SCHIP1: variants seen among roughly 807,000 people sequenced by gnomAD.
SCHIP1 encodes the protein schwannomin interacting protein 1, also known as schwannomin-interacting protein 1.
SCHIP1 carries 8 observed loss-of-function variants against 29.7 expected under a neutral mutation model. That is an observed-to-expected ratio of 0.27 (90% CI 0.16 to 0.49). The LOEUF is 0.49. SCHIP1 is among the 20% of genes least tolerant of loss of function. The probability of loss-of-function intolerance (pLI) is 0.99; values close to 1 mark genes in which losing one functional copy is unlikely to be tolerated. For missense variants in SCHIP1, 193 were observed against 294.6 expected, an observed-to-expected ratio of 0.66 and a Z score of 2.52; for synonymous variants, 76 against 94.9, an observed-to-expected ratio of 0.80 and a Z score of 1.16.
At chr3:159,341,985 G>A in the SCHIP1 span, among the ~76,000 whole-genome samples, 1 of 152,280 alleles carries the variant, frequency 6.6e-6, no homozygotes, top group East Asian at 1.9e-4. Flanking sequence ...TTAAAAATAT[G>A]TAAGGGAATA....
At chr3:159,690,284 G>T in the SCHIP1 span, among the ~76,000 whole-genome samples, 1 of 152,166 alleles carries the variant, frequency 6.6e-6, no homozygotes, top group Non-Finnish European at 1.5e-5. Flanking sequence ...CTTGTTATTG[G>T]TCTATTCATG....
chr3:159,535,080 G>A, the SCHIP1 span, among the ~76,000 whole-genome samples: 9 of 152,210 alleles, frequency 5.9e-5, no homozygotes, highest in East Asian at 1.2e-3. Context: ...AATTTAACAC[G>A]TTGAGCACCC....
At chr3:159,340,813 A>G in the SCHIP1 span, among the ~76,000 whole-genome samples, 5 of 152,108 alleles carry the variant, frequency 3.3e-5, no homozygotes, top group African/African-American at 1.2e-4. Flanking sequence ...GTTTTGTGTA[A>G]GAGATCAGTA....
At chr3:159,427,612 A>G in the SCHIP1 span, among the ~76,000 whole-genome samples, 1 of 151,938 alleles carries the variant, frequency 6.6e-6, no homozygotes, top group Non-Finnish European at 1.5e-5. Flanking sequence ...GAAAATGGCC[A>G]TACTGCCCAA....
the SCHIP1 span, among the ~76,000 whole-genome samples, chr3:159,564,626 G>A: frequency 3.3e-5 from 5 of 152,020 alleles, no homozygotes; most frequent in African/African-American, 7.2e-5. Context: ...TCCACCCGCC[G>A]TGGCCTCCCA....
chr3:159,328,026 ATACT>A, the SCHIP1 span, among the ~76,000 whole-genome samples: 2 of 152,232 alleles, frequency 1.3e-5, no homozygotes, highest in Non-Finnish European at 2.9e-5. Context: ...AATTCAGCAA[ATACT>A]TACTAATACC....
chr3:159,371,556 G>GTTA, the SCHIP1 span, among the ~76,000 whole-genome samples: 1 of 152,258 alleles, frequency 6.6e-6, no homozygotes, highest in Non-Finnish European at 1.5e-5. Flanking sequence ...AAGTTAAAAA[G>GTTA]AAATAGTGTA....
the SCHIP1 span, among the ~76,000 whole-genome samples, chr3:159,579,315 AT>A: frequency 6.6e-6 from 1 of 152,184 alleles, no homozygotes; most frequent in Non-Finnish European, 1.5e-5. Flanking sequence ...GGGGTAATGA[AT>A]TTAAACGATT....
At chr3:159,747,848 A>T in the SCHIP1 span, among the ~76,000 whole-genome samples, 2 of 152,220 alleles carry the variant, frequency 1.3e-5, no homozygotes, top group African/African-American at 4.8e-5. Flanking sequence ...ATATCTTTTG[A>T]GCTTTCCAAC....
chr3:159,404,733 C>T, the SCHIP1 span, among the ~76,000 whole-genome samples: 2 of 152,336 alleles, frequency 1.3e-5, no homozygotes, highest in East Asian at 3.9e-4. Flanking sequence ...GGGAAAGATG[C>T]AAGCCTGGCT....
At chr3:159,839,628 CTTTTTTTTTT>C (rs3068349), upstream of SCHIP1, among the ~76,000 whole-genome samples, 4 of 71,710 alleles carry the variant, frequency 5.6e-5, no homozygotes, top group East Asian at 4.6e-4. Flanking sequence ...AGGTCTTTTT[CTTTTTTTTTT>C]TTTTTTTTTT....
the SCHIP1 span, among the ~76,000 whole-genome samples, chr3:159,424,530 A>G: frequency 1.1e-4 from 16 of 152,214 alleles, no homozygotes; most frequent in Non-Finnish European, 1.8e-4. Flanking sequence ...TCCAAGAAAT[A>G]TGGGACTATG....
intron 1 of SCHIP1, among the ~76,000 whole-genome samples, chr3:159,847,575 G>A (rs1712004654): frequency 6.6e-6 from 1 of 152,158 alleles, no homozygotes; most frequent in South Asian, 2.1e-4. Context: ...AACATAATGA[G>A]GACATTAAAA....
At chr3:159,441,006 G>A in the SCHIP1 span, among the ~76,000 whole-genome samples, 3 of 152,120 alleles carry the variant, frequency 2.0e-5, no homozygotes, top group Non-Finnish European at 2.9e-5. Flanking sequence ...TATAATCATC[G>A]CAGTGATAGA....
chr3:159,575,077 G>C, the SCHIP1 span, among the ~76,000 whole-genome samples: 2 of 152,132 alleles, frequency 1.3e-5, no homozygotes, highest in African/African-American at 4.8e-5. Context: ...GTGATGCCCC[G>C]CCCTGCTTTG....
At chr3:159,780,260 A>C in the SCHIP1 span, among the ~76,000 whole-genome samples, 1 of 152,184 alleles carries the variant, frequency 6.6e-6, no homozygotes, top group African/African-American at 2.4e-5. Flanking sequence ...CCATGCTATG[A>C]AGGGACCATG....
chr3:159,448,198 T>C, the SCHIP1 span, among the ~76,000 whole-genome samples: 1 of 152,076 alleles, frequency 6.6e-6, no homozygotes, highest in Non-Finnish European at 1.5e-5. Flanking sequence ...CCTTTTAACA[T>C]TGTTGTTCTT....
the SCHIP1 span, among the ~76,000 whole-genome samples, chr3:159,603,789 A>G: frequency 6.6e-6 from 1 of 152,144 alleles, no homozygotes; most frequent in Non-Finnish European, 1.5e-5. Flanking sequence ...ATTTTTTACC[A>G]TTCTTAAGAC....
At chr3:159,486,785 G>T in the SCHIP1 span, among the ~76,000 whole-genome samples, 1 of 152,204 alleles carries the variant, frequency 6.6e-6, no homozygotes, top group Non-Finnish European at 1.5e-5. Flanking sequence ...CATCTACCTG[G>T]TGTTTCTTTT....
Sources: gnomAD v4.1 joint callset for allele counts (sites outside exome capture counted in the v4.1 genomes callset) on GRCh38, gnomAD v4.1.1 for gene constraint, MANE v1.5 for transcripts, NCBI Gene and HGNC (gene_info 2026-07-23, HGNC 2026-07-21) for gene names.